SLFN12: variants seen among roughly 807,000 people sequenced by gnomAD.
The protein encoded by SLFN12 is schlafen family member 12.
SLFN12 carries 25 observed loss-of-function variants against 29.1 expected under a neutral mutation model. The ratio of observed to expected loss-of-function variants is 0.86; its 90% CI spans 0.63 to 1.20. The LOEUF is 1.20. Among genes scored for constraint, SLFN12 ranks in the 50% most tolerant of loss-of-function variants. SLFN12 has a pLI of 0.00. For synonymous variants in SLFN12, 257 were observed against 238.7 expected (o/e 1.08, Z -0.71); for missense variants, 660 against 666.2 (o/e 0.99, Z 0.10).
chr17:35,421,787 G>A (rs1050510066), intron 2 of SLFN12, among the ~76,000 whole-genome samples: 8 of 151,746 alleles, frequency 5.3e-5, no homozygotes, highest in East Asian at 1.9e-4. Context: ...TGATCCGCCC[G>A]CCTTGGCCTC....
Position 35,422,703 on chromosome 17 carries a change from G to A in SLFN12, c.326C>T (p.Ser109Leu), listed in dbSNP as rs747963462. 4 of 1,614,114 alleles carry A rather than the reference G, an allele frequency of 2.5e-6. No homozygotes were observed. The highest frequency in any genetic ancestry group is 3.4e-6 in the Non-Finnish European group (4 of 1,180,008). The change falls in exon 2 of 4, where the codon TCA becomes TTA. Residue 109 changes from serine to leucine, a missense_variant. Coordinates refer to ENST00000304905, the MANE Select transcript of SLFN12 (RefSeq NM_018042.5). The stretch of plus-strand genomic sequence containing the variant: ...CAGACCAGAGGTGTTCAAGCTCCAT[G>A]ACTTCACAAAAATCAGAAAGTAGTT... ...NGNYFLIFVK[S>L]WSLNTSGLRI... is the part of the protein sequence containing the mutation.
intron 3 of SLFN12, 127 bp downstream of exon 3, chr17:35,420,147 C>A: frequency 1.6e-6 from 1 of 640,748 alleles, no homozygotes; most frequent in Non-Finnish European, 2.7e-6. Flanking sequence ...TGACTTAAAA[C>A]ACCAAAGAAT....
chr17:35,421,640 A>G (rs899372370), intron 2 of SLFN12, among the ~76,000 whole-genome samples: 4 of 149,872 alleles, frequency 2.7e-5, no homozygotes, highest in African/African-American at 9.9e-5. Flanking sequence ...CCTGGCTTCA[A>G]CCGATTCTCC....
intron 1 of SLFN12, among the ~76,000 whole-genome samples, chr17:35,431,650 T>C (rs1016986245): frequency 3.3e-5 from 5 of 152,028 alleles, no homozygotes; most frequent in Admixed American, 2.0e-4. Flanking sequence ...ATGTTTTCCC[T>C]CCAGAGGGGA....
chr17:35,411,132 G>A lies in SLFN12; in HGVS notation c.*206C>T, dbSNP rs1206268456. On this transcript the variant is annotated 3_prime_UTR_variant, in exon 4 of 4. Transcript: ENST00000304905. The stretch of plus-strand genomic sequence containing the variant: ...AGAGTAAATAATACTGTGCACAGAC[G>A]AGTTAACAAATTAATTTTCCTAATA... The A allele has an allele frequency of 1.5e-5, 7 of 453,960 alleles. No individual in the cohort carries two copies. The highest frequency in any genetic ancestry group is 4.0e-5 in the African/African-American group (2 of 50,066). 28.1% of individuals were successfully genotyped at this position (453,960 alleles called of 1,614,324 possible).
At position 35,411,796 on chromosome 17, in the gene SLFN12, T is replaced by C; in HGVS notation, c.1279A>G (p.Ser427Gly). 1.2e-6 allele frequency: 2 copies of C among 1,614,076 alleles called. No homozygotes were observed. The highest frequency in any genetic ancestry group is 1.7e-6 in the Non-Finnish European group (2 of 1,180,016). ...TGCAAGCCCAGATCCACAGACCAGC[T>C]CCTAGAGAAGATCAGTGAGCCCTTT... ...VRKGSLIFSR[S>G]WSVDLGLQEN... Residue 427 changes from serine to glycine, a missense_variant, in exon 4 of 4, where the codon AGC becomes GGC. Ser to Gly is a moderately conservative substitution (Grantham distance 56, BLOSUM62 0). Coordinates refer to ENST00000304905, the MANE Select transcript of SLFN12 (RefSeq NM_018042.5).
At chr17:35,429,547 A>G (rs1243406744) in intron 1 of SLFN12, among the ~76,000 whole-genome samples, 1 of 152,134 alleles carries the variant, frequency 6.6e-6, no homozygotes, top group Non-Finnish European at 1.5e-5. Context: ...GGGAAATTCT[A>G]TCAGACCTGA....
chr17:35,418,429 C>T (rs1545283), intron 3 of SLFN12, among the ~76,000 whole-genome samples: 29,588 of 152,050 alleles, frequency 0.19, 4,368 homozygotes, highest in African/African-American at 0.41. Flanking sequence ...ACGAAGACCT[C>T]TAAATGATCC....
chr17:35,425,864 T>TTTC (rs1555611844), intron 1 of SLFN12, among the ~76,000 whole-genome samples: 2 of 136,212 alleles, frequency 1.5e-5, no homozygotes, highest in Non-Finnish European at 3.1e-5. Flanking sequence ...TTTTTTTTTT[T>TTTC]CAGAAACCTC....
At chr17:35,419,534 A>G (rs1911506338) in intron 3 of SLFN12, among the ~76,000 whole-genome samples, 1 of 152,128 alleles carries the variant, frequency 6.6e-6, no homozygotes, top group South Asian at 2.1e-4. Flanking sequence ...CAACCCAATC[A>G]ATAACCAGGG....
At chr17:35,414,101 T>C (rs1911188399) in intron 3 of SLFN12, among the ~76,000 whole-genome samples, 1 of 152,008 alleles carries the variant, frequency 6.6e-6, no homozygotes, top group Admixed American at 6.6e-5. Context: ...TTTCACCACT[T>C]CTATCCAATA....
chr17:35,425,796 T>C (rs1395907133), intron 1 of SLFN12, among the ~76,000 whole-genome samples: 3 of 150,832 alleles, frequency 2.0e-5, no homozygotes, highest in Non-Finnish European at 3.0e-5. Context: ...AGGAGTGAGG[T>C]TGCTGAATCA....
chr17:35,421,887 T>C, intron 2 of SLFN12, 103 bp downstream of exon 2: 1 of 1,409,010 alleles, frequency 7.1e-7, no homozygotes, highest in Non-Finnish European at 9.5e-7. Context: ...ATAGTTTAGG[T>C]GCTGAAATTT....
chr17:35,428,710 G>A (rs1912145538), intron 1 of SLFN12, among the ~76,000 whole-genome samples: 1 of 152,112 alleles, frequency 6.6e-6, no homozygotes, highest in Non-Finnish European at 1.5e-5. Flanking sequence ...TTGAACAAGA[G>A]TGAAGCCAGG....
rs779670854 is a variant in SLFN12, at chr17:35,422,540, C to T, written c.489G>A (p.Leu163=). The T allele has an allele frequency of 5.6e-6, 9 of 1,614,114 alleles. No homozygotes were observed. Among genetic ancestry groups the T allele is most frequent in the Middle Eastern group, 1.6e-4 (1 of 6,062 alleles). ...RGRLYLRPEL[L]AKRPCVDIQE... is the part of the protein sequence containing the mutation. ...GTATATCAACACAGGGCCTCTTTGCCAGCAATTCTGGTCTTAAATACAATC... is the reference window on the plus strand; with the variant it reads ...GTATATCAACACAGGGCCTCTTTGCTAGCAATTCTGGTCTTAAATACAATC... Residue 163 remains leucine (L), a synonymous_variant, in exon 2 of 4, where the codon CTG becomes CTA. Transcript: ENST00000304905.
intron 1 of SLFN12, among the ~76,000 whole-genome samples, chr17:35,426,285 G>C (rs115316335): frequency 0.019 from 2,914 of 152,058 alleles, 87 homozygotes; most frequent in African/African-American, 0.066. Flanking sequence ...CTGTGCAGAA[G>C]CTTTTTGGTT....
At chr17:35,433,011 C>A (rs1308365949), upstream of SLFN12, 1 of 152,194 alleles carries the variant, frequency 6.6e-6, no homozygotes, top group Non-Finnish European at 1.5e-5. Context: ...ACGAAAACAG[C>A]TCTGAGTGAT....
At chr17:35,414,899 C>G (rs1269521338) in intron 3 of SLFN12, among the ~76,000 whole-genome samples, 1 of 152,080 alleles carries the variant, frequency 6.6e-6, no homozygotes, top group Non-Finnish European at 1.5e-5. Context: ...ATCCCATGTT[C>G]ATGGATAGGT....
chr17:35,414,006 T>A (rs1259478515), intron 3 of SLFN12, among the ~76,000 whole-genome samples: 1 of 151,934 alleles, frequency 6.6e-6, no homozygotes, highest in Non-Finnish European at 1.5e-5. Context: ...AGACCATATA[T>A]AAAAAACCTA....
Sources: gnomAD v4.1 joint callset for allele counts (sites outside exome capture counted in the v4.1 genomes callset) on GRCh38, gnomAD v4.1.1 for gene constraint, MANE v1.5 for transcripts, NCBI Gene and HGNC (gene_info 2026-07-23, HGNC 2026-07-21) for gene names.